ERICH6: variants seen among roughly 807,000 people sequenced by gnomAD.
The protein encoded by ERICH6 is glutamate-rich protein 6.
Under a neutral mutation model 71.0 loss-of-function variants are expected in ERICH6, and 71 were observed. That is an observed-to-expected ratio of 1.00 (90% CI 0.83 to 1.22). The LOEUF (loss-of-function observed/expected upper bound fraction) is 1.22. Among genes scored for constraint, ERICH6 ranks in the 50% most tolerant of loss-of-function variants. ERICH6 has a pLI of 0.00. For synonymous variants in ERICH6, 262 were observed against 278.4 expected, an observed-to-expected ratio of 0.94 and a Z score of 0.59; for missense variants, 808 against 797.2, an observed-to-expected ratio of 1.01 and a Z score of -0.16.
At chr3:150,688,285 T>A (rs2108067914) in intron 3 of ERICH6, among the ~76,000 whole-genome samples, 1 of 152,212 alleles carries the variant, frequency 6.6e-6, no homozygotes, top group East Asian at 1.9e-4. Flanking sequence ...GCACAAAGGT[T>A]TTTATTAATA....
At position 150,698,819 on chromosome 3, in the gene ERICH6, G is replaced by A. The variant is rs1674966730; in HGVS notation, c.525C>T (p.Leu175=). The change falls in exon 3 of 14, where the codon CTC becomes CTT. Residue 175 remains leucine (L), a synonymous_variant. Transcript: ENST00000295910. ...PVSVQTEESW[L]QDLSDKVQSR... is the part of the protein sequence containing the mutation. ...ATTGCACTTTATCAGACAAATCTTG[G>A]AGCCAACTTTCTTCTGTTTGTACTG... 6.2e-7 allele frequency: 1 copy of A among 1,613,756 alleles called. No individual in the cohort carries two copies. The highest frequency in any genetic ancestry group is 1.3e-5 in the African/African-American group (1 of 74,878).
intron 2 of ERICH6, among the ~76,000 whole-genome samples, chr3:150,700,085 T>A (rs893815730): frequency 6.6e-6 from 1 of 151,830 alleles, no homozygotes; most frequent in Non-Finnish European, 1.5e-5. Flanking sequence ...AGGGAAATTT[T>A]TTTTTTTGAG....
intron 9 of ERICH6, among the ~76,000 whole-genome samples, chr3:150,679,877 C>T (rs773812618): frequency 9.9e-5 from 15 of 152,164 alleles, no homozygotes; most frequent in African/African-American, 1.7e-4. Flanking sequence ...AGGCTGATCT[C>T]GAACTCCTGA....
At chr3:150,660,301 T>C (rs1576543685) in intron 13 of ERICH6, 146 bp from the exon 14 acceptor site, 1 of 875,322 alleles carries the variant, frequency 1.1e-6, no homozygotes, top group Non-Finnish European at 1.7e-6. Flanking sequence ...GGCGGTGGTG[T>C]TATTCTACTC....
intron 13 of ERICH6, among the ~76,000 whole-genome samples, chr3:150,663,496 C>T (rs1727293535): frequency 6.6e-6 from 1 of 152,080 alleles, no homozygotes. Flanking sequence ...GCTCTGTTGC[C>T]CAGGCTGGAG....
At chr3:150,669,226 T>G in intron 12 of ERICH6, 70 bp downstream of exon 12, 1 of 1,479,548 alleles carries the variant, frequency 6.8e-7, no homozygotes, top group African/African-American at 1.4e-5. Flanking sequence ...TCTTATCATT[T>G]AAAAAGAAAA....
At chr3:150,665,039 G>T (rs974578512) in intron 13 of ERICH6, among the ~76,000 whole-genome samples, 3 of 151,918 alleles carry the variant, frequency 2.0e-5, no homozygotes, top group African/African-American at 7.3e-5. Context: ...AGGGGAGAAA[G>T]AAGTATTTTT....
intron 2 of ERICH6, 62 bp from the exon 3 acceptor site, chr3:150,698,944 A>T (rs1712757129): frequency 1.0e-6 from 1 of 985,174 alleles, no homozygotes; most frequent in Admixed American, 2.0e-5. Flanking sequence ...TCTTCTAAAC[A>T]TCGAACATTT....
chr3:150,680,735 G>C, intron 8 of ERICH6, 38 bp downstream of exon 8: 1 of 1,578,466 alleles, frequency 6.3e-7, no homozygotes, highest in Non-Finnish European at 8.6e-7. Flanking sequence ...CGATTAAGCC[G>C]GCCTGTATGA....
intron 3 of ERICH6, among the ~76,000 whole-genome samples, chr3:150,692,285 T>C (rs912431660): frequency 1.3e-5 from 2 of 152,180 alleles, no homozygotes; most frequent in African/African-American, 4.8e-5. Flanking sequence ...ATTTGGGAAA[T>C]TAAGTCTCCT....
chr3:150,681,807 CT>C (rs34909258), intron 7 of ERICH6, among the ~76,000 whole-genome samples: 6,671 of 70,034 alleles, frequency 0.095, 45 homozygotes, highest in Non-Finnish European at 0.13. Flanking sequence ...ACACATAACT[CT>C]TTTTTTTTTT....
At position 150,669,291 on chromosome 3, in the gene ERICH6, C is replaced by T. The variant is rs748113394; in HGVS notation, c.1499+5G>A. 3 of 1,590,428 alleles carry T rather than the reference C, an allele frequency of 1.9e-6. No individual in the cohort carries two copies. Among genetic ancestry groups the T allele is most frequent in the Non-Finnish European group, 2.6e-6 (3 of 1,171,356 alleles). On this transcript the variant is annotated splice_donor_5th_base_variant and intron_variant, in intron 12 of 13. Transcript: ENST00000295910. ...AATGGCAGCAGCAGGAACCTAGAAG[C>T]TTACCAGACATTTCCATTGGGATGA...
At chr3:150,663,965 T>C (rs988984101) in intron 13 of ERICH6, among the ~76,000 whole-genome samples, 1 of 152,074 alleles carries the variant, frequency 6.6e-6, no homozygotes, top group Non-Finnish European at 1.5e-5. Flanking sequence ...ATAATGAGAT[T>C]ATCTGAGATA....
intron 7 of ERICH6, 75 bp downstream of exon 7, chr3:150,682,143 G>T (rs963870085): frequency 7.8e-7 from 1 of 1,280,048 alleles, no homozygotes; most frequent in South Asian, 1.3e-5. Flanking sequence ...CAATGCAGGG[G>T]AAAGATGCAA....
At chr3:150,688,377 A>G (rs1362947786) in intron 3 of ERICH6, among the ~76,000 whole-genome samples, 2 of 152,244 alleles carry the variant, frequency 1.3e-5, no homozygotes, top group East Asian at 1.9e-4. Flanking sequence ...CTAGCATTAC[A>G]TAAGTCACAA....
At chr3:150,670,667 G>T (rs1452534500) in intron 11 of ERICH6, among the ~76,000 whole-genome samples, 5 of 151,976 alleles carry the variant, frequency 3.3e-5, no homozygotes, top group African/African-American at 1.2e-4. Context: ...AGTTCAGCAG[G>T]GTTGTAAGCT....
Position 150,666,971 on chromosome 3 carries a change from C to T in ERICH6, c.1544G>A (p.Gly515Asp). The T allele has an allele frequency of 6.2e-7, 1 of 1,614,086 alleles. No homozygotes were observed. Among genetic ancestry groups the T allele is most frequent in the Non-Finnish European group, 8.5e-7 (1 of 1,180,020 alleles). The change falls in exon 13 of 14, where the codon GGC becomes GAC. Residue 515 changes from glycine to aspartate, a missense_variant. By Grantham distance (94) the Gly-to-Asp change is moderately conservative. This residue lies in a region of ERICH6 where 736 missense variants were observed against 712.2 expected (regional missense o/e 1.03). Transcript: ENST00000295910. ...CCAATTCCAAGCCCTTATTCTGTTG[C>T]CGGCTTGATCTGAATATTGACCTCC... ...ILGGQYSDQA[G>D]NRIRAWNWSN... is the part of the protein sequence containing the mutation.
At chr3:150,703,022 G>C (rs1269324329) in intron 1 of ERICH6, among the ~76,000 whole-genome samples, 1 of 146,080 alleles carries the variant, frequency 6.8e-6, no homozygotes, top group Non-Finnish European at 1.5e-5. Flanking sequence ...GAGATGTCAC[G>C]GTGTGAATGC....
intron 6 of ERICH6, among the ~76,000 whole-genome samples, chr3:150,685,095 A>G (rs1712126604): frequency 6.6e-6 from 1 of 152,142 alleles, no homozygotes; most frequent in Admixed American, 6.5e-5. Flanking sequence ...TCAGCCTCCC[A>G]AAGTGCTGGG....
Sources: allele counts gnomAD v4.1 joint callset (sites outside exome capture counted in the v4.1 genomes callset), GRCh38; gene constraint gnomAD v4.1.1; regional missense constraint gnomAD v4.1.1; transcripts MANE v1.5; gene names NCBI Gene and HGNC (gene_info 2026-07-23, HGNC 2026-07-21).